The following ADAMTS19 variants were observed in gnomAD, a reference collection of about 807,000 sequenced individuals.
ADAMTS19 encodes ADAM metallopeptidase with thrombospondin type 1 motif 19.
ADAMTS19 carries 93 observed loss-of-function variants against 153.3 expected under a neutral mutation model. The ratio of observed to expected loss-of-function variants is 0.61; its 90% CI spans 0.51 to 0.72. ADAMTS19 has a LOEUF of 0.72. Ranked by LOEUF, ADAMTS19 falls within the 30% of genes least tolerant of loss-of-function variation. The pLI, the probability that ADAMTS19 is intolerant of heterozygous loss-of-function variation, is 0.00. For synonymous variants in ADAMTS19, 600 were observed against 556.6 expected, an observed-to-expected ratio of 1.08 and a Z score of -1.10; for missense variants, 1,482 against 1,552.1, an observed-to-expected ratio of 0.95 and a Z score of 0.76.
intron 18 of ADAMTS19, among the ~76,000 whole-genome samples, chr5:129,693,234 C>G (rs1000567549): frequency 6.6e-6 from 1 of 152,118 alleles, no homozygotes; most frequent in African/African-American, 2.4e-5. Context: ...TTACCATCTC[C>G]CATTCAAACT....
intron 21 of ADAMTS19, among the ~76,000 whole-genome samples, chr5:129,734,266 A>G (rs1757574109): frequency 6.6e-6 from 1 of 151,818 alleles, no homozygotes; most frequent in South Asian, 2.1e-4. Context: ...AAACCTTACC[A>G]TTTTGCTATA....
chr5:129,509,778 C>T lies in ADAMTS19; in HGVS notation c.913+536C>T, dbSNP rs181583526. ...GTATTCAAATCCCTTAAGTCTGGAA[C>T]TTTTCAGAGGCTCATAAACATTCCC... On this transcript the variant is annotated intron_variant, in intron 3 of 22. Coordinates refer to ENST00000274487, the MANE Select transcript of ADAMTS19 (RefSeq NM_133638.6). Among the ~76,000 whole-genome samples the T allele has an allele frequency of 1.6e-4, 24 of 152,026 alleles. No homozygotes were observed. In the East Asian group the frequency reaches 4.7e-3, roughly 29 times the overall value.
At chr5:129,513,540 C>G (rs1300022023) in intron 3 of ADAMTS19, among the ~76,000 whole-genome samples, 1 of 151,852 alleles carries the variant, frequency 6.6e-6, no homozygotes, top group Non-Finnish European at 1.5e-5. Flanking sequence ...ATAAAATGTA[C>G]CATGTGCCAG....
chr5:129,702,941 A>ATATATATATATATATATAT (rs1554108030), intron 20 of ADAMTS19, among the ~76,000 whole-genome samples: 11 of 29,268 alleles, frequency 3.8e-4, no homozygotes, highest in African/African-American at 9.4e-4. Context: ...AAAAAAAAAA[A>ATATATATATATATATATAT]ATATATATAT....
chr5:129,704,240 G>A lies in ADAMTS19; in HGVS notation c.3161G>A (p.Cys1054Tyr). ...AAAACCTCTGATGTTATCTTCCAGT[G>A]TTCAGTCAAGTGTGGCAAAGGCATA... ...TVWEAGVWSE[C>Y]SVKCGKGIRH... The change falls in exon 21 of 23, where the codon TGT (cysteine) becomes TAT (tyrosine). Residue 1054 changes from cysteine (C) to tyrosine (Y), a missense_variant and splice_region_variant. Physicochemically the swap from Cys to Tyr is radical, Grantham distance 194. This residue lies in a region of ADAMTS19 where 616 missense variants were observed against 724.4 expected (regional missense o/e 0.85). Coordinates refer to ENST00000274487, the MANE Select transcript of ADAMTS19 (RefSeq NM_133638.6). 1.2e-6 allele frequency: 2 copies of A among 1,611,978 alleles called. No individual in the cohort carries two copies. The highest frequency in any genetic ancestry group is 1.7e-6 in the Non-Finnish European group (2 of 1,179,066).
At chr5:129,725,120 T>A (rs1757153642) in intron 21 of ADAMTS19, among the ~76,000 whole-genome samples, 1 of 152,124 alleles carries the variant, frequency 6.6e-6, no homozygotes, top group Admixed American at 6.6e-5. Flanking sequence ...CTAAGGACTC[T>A]CTGACTCTCA....
chr5:129,735,598 CT>C (rs1226808408), intron 22 of ADAMTS19, among the ~76,000 whole-genome samples: 1 of 151,904 alleles, frequency 6.6e-6, no homozygotes, highest in African/African-American at 2.4e-5. Flanking sequence ...GTTCTATTTT[CT>C]TTTTAAGTTT....
chr5:129,581,906 T>G (rs184847248), intron 7 of ADAMTS19, among the ~76,000 whole-genome samples: 1 of 152,124 alleles, frequency 6.6e-6, no homozygotes, highest in Non-Finnish European at 1.5e-5. Context: ...CATGTAGTTG[T>G]GCGGTTTTGA....
intron 21 of ADAMTS19, among the ~76,000 whole-genome samples, chr5:129,707,061 T>C (rs548619580): frequency 6.6e-6 from 1 of 152,308 alleles, no homozygotes; most frequent in Admixed American, 6.5e-5. Flanking sequence ...AAAACAGATT[T>C]GAACTACACG....
chr5:129,527,397 A>G (rs1441425037), intron 4 of ADAMTS19, among the ~76,000 whole-genome samples: 1 of 147,046 alleles, frequency 6.8e-6, no homozygotes, highest in African/African-American at 2.5e-5. Flanking sequence ...TTTACACTTT[A>G]GATATTTCTG....
intron 6 of ADAMTS19, among the ~76,000 whole-genome samples, chr5:129,542,133 A>C (rs1003892268): frequency 6.6e-6 from 1 of 152,162 alleles, no homozygotes; most frequent in Non-Finnish European, 1.5e-5. Context: ...TTTTGATTCG[A>C]TATTCTCAGA....
At chr5:129,636,703 G>T (rs531347781) in intron 10 of ADAMTS19, among the ~76,000 whole-genome samples, 1 of 152,276 alleles carries the variant, frequency 6.6e-6, no homozygotes, top group Non-Finnish European at 1.5e-5. Context: ...AAAGTTTCTA[G>T]GATGTAAATG....
At chr5:129,522,498 TA>T (rs979078737) in intron 3 of ADAMTS19, among the ~76,000 whole-genome samples, 2 of 151,316 alleles carry the variant, frequency 1.3e-5, no homozygotes, top group African/African-American at 4.9e-5. Flanking sequence ...TTATATGATA[TA>T]AATAAGGAAT....
intron 8 of ADAMTS19, among the ~76,000 whole-genome samples, chr5:129,609,076 A>G (rs904809423): frequency 1.3e-5 from 2 of 152,190 alleles, no homozygotes; most frequent in Admixed American, 6.6e-5. Context: ...GGCTATCTAA[A>G]TATACTGTCC....
chr5:129,683,574 C>T (rs1754925502), intron 17 of ADAMTS19, among the ~76,000 whole-genome samples: 1 of 151,986 alleles, frequency 6.6e-6, no homozygotes, highest in South Asian at 2.1e-4. Flanking sequence ...AATTCTTGTC[C>T]TCCAGTTTGC....
In ADAMTS19 at chr5:129,510,322, T is replaced by G. The variant is rs149160068; in HGVS notation, c.913+1080T>G. Among the ~76,000 whole-genome samples the G allele has an allele frequency of 1.4e-4, 22 of 151,854 alleles. No individual in the cohort carries two copies. The East Asian group carries it at 3.9e-3, about 27-fold the overall frequency. On this transcript the variant is annotated intron_variant, in intron 3 of 22. Transcript: ENST00000274487. Reference sequence around the variant, plus strand: ...GAAAAATATTATAATATATTTCTATTTAGAATATATTTTTATCTCAAATTA... The same window carrying G: ...GAAAAATATTATAATATATTTCTATGTAGAATATATTTTTATCTCAAATTA...
chr5:129,675,122 A>C (rs1391831911), intron 16 of ADAMTS19, among the ~76,000 whole-genome samples: 2 of 152,046 alleles, frequency 1.3e-5, no homozygotes, highest in South Asian at 2.1e-4. Flanking sequence ...GTGAATTGTT[A>C]AATCTTTTAC....
chr5:129,592,503 T>G (rs1002752204), intron 7 of ADAMTS19, among the ~76,000 whole-genome samples: 1 of 152,174 alleles, frequency 6.6e-6, no homozygotes, highest in Admixed American at 6.5e-5. Flanking sequence ...ACGTGGGTTA[T>G]TGAACTGAAA....
intron 6 of ADAMTS19, among the ~76,000 whole-genome samples, chr5:129,536,102 A>T (rs1752411218): frequency 6.6e-6 from 1 of 152,210 alleles, no homozygotes; most frequent in Non-Finnish European, 1.5e-5. Context: ...CATCAAAAGA[A>T]ACTACCATTG....
Sources: gnomAD v4.1 joint callset for allele counts (sites outside exome capture counted in the v4.1 genomes callset) on GRCh38, gnomAD v4.1.1 for gene constraint, gnomAD v4.1.1 regional missense constraint, MANE v1.5 for transcripts, NCBI Gene and HGNC (gene_info 2026-07-23, HGNC 2026-07-21) for gene names.